SPTLC3: variants seen among roughly 807,000 people sequenced by gnomAD.
SPTLC3 encodes serine palmitoyltransferase 3.
SPTLC3 carries 36 observed loss-of-function variants against 59.3 expected under a neutral mutation model. The ratio of observed to expected loss-of-function variants is 0.61; its 90% CI spans 0.47 to 0.80. The LOEUF is 0.80. SPTLC3 is among the 30% of genes least tolerant of loss of function. SPTLC3 has a pLI of 0.00. For missense variants in SPTLC3, 625 were observed against 685.1 expected, an observed-to-expected ratio of 0.91 and a Z score of 0.98; for synonymous variants, 257 against 240.8, an observed-to-expected ratio of 1.07 and a Z score of -0.62.
chr20:13,049,501 G>A, intron 2 of SPTLC3: 1 of 179,500 alleles, frequency 5.6e-6, no homozygotes, highest in East Asian at 1.6e-4. Context: ...GTTGTAAGTT[G>A]GGTATTATTT....
intron 9 of SPTLC3, among the ~76,000 whole-genome samples, chr20:13,135,574 C>T (rs1461482892): frequency 6.6e-6 from 1 of 152,144 alleles, no homozygotes; most frequent in Non-Finnish European, 1.5e-5. Context: ...TTACCAAGCA[C>T]TTACTTTGCC....
intron 1 of SPTLC3, among the ~76,000 whole-genome samples, chr20:13,021,660 G>A (rs1381147646): frequency 6.6e-6 from 1 of 151,140 alleles, no homozygotes; most frequent in Non-Finnish European, 1.5e-5. Context: ...AGATTGTGTG[G>A]TCCAACTCTA....
intron 2 of SPTLC3, chr20:13,051,026 A>G (rs1048262800): frequency 2.6e-5 from 4 of 152,218 alleles, no homozygotes; most frequent in Non-Finnish European, 1.5e-5. Context: ...AGCAAAAACA[A>G]AAAAGAAAAA....
At chr20:13,125,650 G>A (rs1204389523) in intron 8 of SPTLC3, among the ~76,000 whole-genome samples, 1 of 152,162 alleles carries the variant, frequency 6.6e-6, no homozygotes, top group Non-Finnish European at 1.5e-5. Flanking sequence ...CTTGGCCTGG[G>A]GTAGCTTCAG....
intron 1 of SPTLC3, among the ~76,000 whole-genome samples, chr20:13,046,177 A>AAG (rs1267540304): frequency 9.2e-5 from 14 of 152,128 alleles, no homozygotes; most frequent in Admixed American, 9.2e-4. Context: ...ATTCTGTCCC[A>AAG]AGCCTACTGC....
At position 13,126,716 on chromosome 20, in the gene SPTLC3, A is replaced by G; in HGVS notation, c.1278A>G (p.Gln426=). Reference sequence around the variant, plus strand: ...TCATGGGACTGGATGGGACCACTCAAGGTAAGAGGATCTGCAGAGAGCACA... The same window carrying G: ...TCATGGGACTGGATGGGACCACTCAGGGTAAGAGGATCTGCAGAGAGCACA... ...KLIMGLDGTT[Q]GLQRVQQLAK... Residue 426 remains glutamine, a splice_region_variant and synonymous_variant, in exon 9 of 12, where the codon CAA becomes CAG. Transcript: ENST00000399002. The G allele has an allele frequency of 6.2e-7, 1 of 1,613,854 alleles. No homozygotes were observed. Among genetic ancestry groups the G allele is most frequent in the Non-Finnish European group, 8.5e-7 (1 of 1,179,834 alleles).
intron 1 of SPTLC3, among the ~76,000 whole-genome samples, chr20:13,026,912 C>G (rs6134749): frequency 0.12 from 18,795 of 152,230 alleles, 1,429 homozygotes; most frequent in East Asian, 0.36. Context: ...TTCAACACCC[C>G]CTAGAAGCAG....
intron 11 of SPTLC3, among the ~76,000 whole-genome samples, chr20:13,161,250 A>C (rs1227701388): frequency 6.6e-6 from 1 of 152,224 alleles, no homozygotes; most frequent in African/African-American, 2.4e-5. Flanking sequence ...TAAATGAGAT[A>C]AGGTATACAG....
intron 1 of SPTLC3, among the ~76,000 whole-genome samples, chr20:13,014,789 T>A (rs11907910): frequency 0.033 from 4,607 of 141,416 alleles, 239 homozygotes; most frequent in African/African-American, 0.11. Flanking sequence ...TGTCTAAATT[T>A]AAAAAAAAAA....
intron 9 of SPTLC3, among the ~76,000 whole-genome samples, chr20:13,138,516 A>C (rs2038305065): frequency 6.6e-6 from 1 of 152,202 alleles, no homozygotes; most frequent in African/African-American, 2.4e-5. Context: ...GGTAGTGATT[A>C]GTTATTTAAT....
intron 8 of SPTLC3, among the ~76,000 whole-genome samples, chr20:13,124,875 AC>A (rs1362652321): frequency 2.0e-5 from 3 of 152,170 alleles, no homozygotes; most frequent in African/African-American, 4.8e-5. Flanking sequence ...ACATGAACCT[AC>A]CCCAAAGCAG....
At chr20:13,115,487 T>G (rs78554034) in intron 7 of SPTLC3, among the ~76,000 whole-genome samples, 4,932 of 152,262 alleles carry the variant, frequency 0.032, 220 homozygotes, top group African/African-American at 0.1. Context: ...CTTTGGCTTC[T>G]GTCAAATTCA....
At chr20:13,038,753 T>A (rs1986846908) in intron 1 of SPTLC3, among the ~76,000 whole-genome samples, 1 of 152,150 alleles carries the variant, frequency 6.6e-6, no homozygotes. Flanking sequence ...TTGATTTAGA[T>A]CTTTCTTTTT....
intron 8 of SPTLC3, among the ~76,000 whole-genome samples, chr20:13,123,329 TAA>T (rs763279770): frequency 7.0e-6 from 1 of 143,700 alleles, no homozygotes. Context: ...AGACTCTGTC[TAA>T]AAAAAAAAAA....
chr20:13,109,421 T>C (rs1210639543), intron 6 of SPTLC3, among the ~76,000 whole-genome samples: 2 of 152,206 alleles, frequency 1.3e-5, no homozygotes, highest in Non-Finnish European at 2.9e-5. Flanking sequence ...TCAACTCCTC[T>C]GTGTCTCAGT....
chr20:13,104,706 G>T (rs1989778902), intron 6 of SPTLC3, among the ~76,000 whole-genome samples: 1 of 152,148 alleles, frequency 6.6e-6, no homozygotes, highest in South Asian at 2.1e-4. Flanking sequence ...GTCATTTTAA[G>T]TCCGTGGTGT....
chr20:13,051,914 A>C (rs1454683822), intron 2 of SPTLC3, among the ~76,000 whole-genome samples: 1 of 152,182 alleles, frequency 6.6e-6, no homozygotes, highest in Non-Finnish European at 1.5e-5. Context: ...ATAACTTATC[A>C]AAACCTAAGG....
intron 6 of SPTLC3, among the ~76,000 whole-genome samples, chr20:13,096,334 G>C (rs4813114): frequency 6.6e-6 from 1 of 151,776 alleles, no homozygotes; most frequent in African/African-American, 2.4e-5. Flanking sequence ...AAGAATGTTC[G>C]TAGCATCTTT....
At position 13,165,651 on chromosome 20, in the gene SPTLC3, C is replaced by A. The variant is rs917186448; in HGVS notation, c.*784C>A. ...AAAATGGTAGTTACAACAATTTGAACCTTGTTGGTGCAGTGCACGGTGAAT... is the reference window on the plus strand; with the variant it reads ...AAAATGGTAGTTACAACAATTTGAAACTTGTTGGTGCAGTGCACGGTGAAT... On this transcript the variant is annotated 3_prime_UTR_variant, in exon 12 of 12. Transcript: ENST00000399002. 2 of 152,168 alleles carry A rather than the reference C, an allele frequency of 1.3e-5. No individual in the cohort carries two copies. The highest frequency in any genetic ancestry group is 4.8e-5 in the African/African-American group (2 of 41,438). The allele number at this position is 152,168 out of a possible 1,614,324, so 9.4% of individuals were successfully genotyped here. A position where few individuals can be genotyped will look rare whatever the true frequency, so the allele number is the denominator to read the frequency against.
Sources: gnomAD v4.1 joint callset for allele counts (sites outside exome capture counted in the v4.1 genomes callset) on GRCh38, gnomAD v4.1.1 for gene constraint, MANE v1.5 for transcripts, NCBI Gene and HGNC (gene_info 2026-07-23, HGNC 2026-07-21) for gene names.